Variants in LRRTM4 observed in about 807,000 individuals in gnomAD.
LRRTM4 encodes the protein leucine rich repeat transmembrane neuronal 4.
A neutral mutation model predicts 47.6 loss-of-function variants in LRRTM4; 25 were observed. That is an observed-to-expected ratio of 0.53 (90% CI 0.38 to 0.73). The LOEUF (loss-of-function observed/expected upper bound fraction) is 0.73, where lower values mean the gene tolerates loss of function less well. Among genes scored for constraint, LRRTM4 ranks in the 30% least tolerant of loss-of-function variants. The pLI, the probability that LRRTM4 is intolerant of heterozygous loss-of-function variation, is 0.00. For synonymous variants in LRRTM4, 311 were observed against 269.5 expected (o/e 1.15, Z -1.51); for missense variants, 638 against 713.4 (o/e 0.89, Z 1.20).
intron 3 of LRRTM4, among the ~76,000 whole-genome samples, chr2:77,072,510 C>T (rs1450423859): frequency 6.6e-6 from 1 of 151,912 alleles, no homozygotes; most frequent in Non-Finnish European, 1.5e-5. Context: ...CCAAGACTGC[C>T]TTATAGGCCA....
At chr2:77,339,121 G>T (rs1190841689) in intron 3 of LRRTM4, among the ~76,000 whole-genome samples, 1 of 151,234 alleles carries the variant, frequency 6.6e-6, no homozygotes, top group Non-Finnish European at 1.5e-5. Flanking sequence ...GGGAACAAGG[G>T]TTAAAAAAAA....
chr2:77,375,041 T>G (rs1672783069), intron 3 of LRRTM4, among the ~76,000 whole-genome samples: 1 of 151,748 alleles, frequency 6.6e-6, no homozygotes, highest in African/African-American at 2.4e-5. Context: ...AGTCCAAAAT[T>G]TTTGTAATAC....
At chr2:77,097,131 T>C (rs759362071) in intron 3 of LRRTM4, among the ~76,000 whole-genome samples, 1 of 151,814 alleles carries the variant, frequency 6.6e-6, no homozygotes. Flanking sequence ...AATAATATAA[T>C]AGATATGAAG....
chr2:77,258,411 C>T (rs774155484), intron 3 of LRRTM4, among the ~76,000 whole-genome samples: 2 of 151,928 alleles, frequency 1.3e-5, no homozygotes, highest in Non-Finnish European at 2.9e-5. Flanking sequence ...TGTACTCATG[C>T]AATAAAATGA....
At chr2:77,165,030 T>A (rs1364658754) in intron 3 of LRRTM4, among the ~76,000 whole-genome samples, 1 of 152,134 alleles carries the variant, frequency 6.6e-6, no homozygotes, top group African/African-American at 2.4e-5. Flanking sequence ...AGGAGCTCTT[T>A]TTTTGAAAAG....
chr2:77,256,500 A>G lies in LRRTM4; in HGVS notation c.1551+261818T>C, dbSNP rs548503798. On this transcript the variant is annotated intron_variant, in intron 3 of 3. Coordinates refer to ENST00000409884, the MANE Select transcript of LRRTM4 (RefSeq NM_001134745.3). ...GAGGGACCCAGTGGGAGGTAATTGA[A>G]TCATGGGGGTGCATCTTTCCAGAGC... Among the ~76,000 whole-genome samples the G allele has an allele frequency of 1.3e-4, 20 of 152,230 alleles. No homozygotes were observed. The South Asian group carries it at 3.3e-3, about 25-fold the overall frequency.
chr2:77,193,043 C>T (rs573490055), intron 3 of LRRTM4, among the ~76,000 whole-genome samples: 1 of 152,170 alleles, frequency 6.6e-6, no homozygotes, highest in Admixed American at 6.5e-5. Context: ...TATAATAGAA[C>T]TGAAAAATGT....
intron 3 of LRRTM4, among the ~76,000 whole-genome samples, chr2:77,434,384 G>A (rs1455184301): frequency 6.6e-6 from 1 of 151,862 alleles, no homozygotes; most frequent in Non-Finnish European, 1.5e-5. Flanking sequence ...GGGCCTTGAT[G>A]TGAGTCAGAA....
At chr2:76,993,091 C>G (rs1677071086) in intron 3 of LRRTM4, among the ~76,000 whole-genome samples, 1 of 151,762 alleles carries the variant, frequency 6.6e-6, no homozygotes, top group South Asian at 2.1e-4. Flanking sequence ...AAAACTGGAC[C>G]CTTACCTTTC....
chr2:77,260,102 C>A (rs1337021784), intron 3 of LRRTM4, among the ~76,000 whole-genome samples: 2 of 151,886 alleles, frequency 1.3e-5, no homozygotes, highest in African/African-American at 2.4e-5. Flanking sequence ...AGATACAATT[C>A]TGTGTTAGAT....
At chr2:77,396,617 A>T (rs1573358859) in intron 3 of LRRTM4, among the ~76,000 whole-genome samples, 1 of 152,128 alleles carries the variant, frequency 6.6e-6, no homozygotes, top group African/African-American at 2.4e-5. Context: ...ACTGATATAA[A>T]TGTATATTTA....
chr2:77,426,153 C>T (rs1301986582), intron 3 of LRRTM4, among the ~76,000 whole-genome samples: 1 of 151,722 alleles, frequency 6.6e-6, no homozygotes, highest in Non-Finnish European at 1.5e-5. Flanking sequence ...TATCCATCTC[C>T]CTATTTCCCC....
intron 3 of LRRTM4, among the ~76,000 whole-genome samples, chr2:76,934,726 G>T (rs949680941): frequency 2.8e-4 from 43 of 152,222 alleles, no homozygotes; most frequent in African/African-American, 9.9e-4. Flanking sequence ...ACTCCCATTG[G>T]AAAACATAGA....
At chr2:76,791,248 GA>G (rs1414900140) in intron 3 of LRRTM4, among the ~76,000 whole-genome samples, 3 of 152,238 alleles carry the variant, frequency 2.0e-5, no homozygotes, top group Non-Finnish European at 4.4e-5. Context: ...AAGACAGGTG[GA>G]AAAGGCTTCA....
At chr2:77,264,636 G>A (rs1046467357) in intron 3 of LRRTM4, among the ~76,000 whole-genome samples, 1 of 152,000 alleles carries the variant, frequency 6.6e-6, no homozygotes, top group Non-Finnish European at 1.5e-5. Context: ...ACTGGGAAAA[G>A]CATTTTATTT....
intron 3 of LRRTM4, among the ~76,000 whole-genome samples, chr2:77,031,952 C>A (rs1447360871): frequency 6.6e-6 from 1 of 152,100 alleles, no homozygotes; most frequent in South Asian, 2.1e-4. Context: ...ATTGTCAACT[C>A]CTCTTTCTTC....
chr2:76,965,442 AAG>A (rs149856317), intron 3 of LRRTM4, among the ~76,000 whole-genome samples: 2,635 of 151,460 alleles, frequency 0.017, 42 homozygotes, highest in Non-Finnish European at 0.022. Context: ...CAGGGTAAAA[AAG>A]AATCATATGA....
chr2:77,230,976 G>T (rs561975153), intron 3 of LRRTM4, among the ~76,000 whole-genome samples: 1 of 152,188 alleles, frequency 6.6e-6, no homozygotes, highest in South Asian at 2.1e-4. Context: ...TTTAGAAAAT[G>T]CTCGGTGAAG....
intron 3 of LRRTM4, among the ~76,000 whole-genome samples, chr2:77,459,897 C>G: frequency 6.6e-6 from 1 of 152,140 alleles, no homozygotes; most frequent in East Asian, 1.9e-4. Context: ...GCTAATCATG[C>G]CTTTTAGCAA....
Sources: gnomAD v4.1 joint callset for allele counts (sites outside exome capture counted in the v4.1 genomes callset) on GRCh38, gnomAD v4.1.1 for gene constraint, MANE v1.5 for transcripts, NCBI Gene and HGNC (gene_info 2026-07-23, HGNC 2026-07-21) for gene names.